The following GALNT13 variants were observed in gnomAD, a reference collection of about 807,000 sequenced individuals.
The protein encoded by GALNT13 is UDP-GalNAc:polypeptide N-acetylgalactosaminyltransferase 13.
A neutral mutation model predicts 64.2 loss-of-function variants in GALNT13; 28 were observed. The ratio of observed to expected loss-of-function variants is 0.44; its 90% confidence interval spans 0.32 to 0.60. The LOEUF (loss-of-function observed/expected upper bound fraction) is 0.60, where lower values mean the gene tolerates loss of function less well. Ranked by LOEUF, GALNT13 falls within the 20% of genes least tolerant of loss-of-function variation. GALNT13 has a pLI of 0.05. For missense variants in GALNT13, 577 were observed against 669.8 expected (o/e 0.86, Z 1.53); for synonymous variants, 214 against 224.6 (o/e 0.95, Z 0.42).
the GALNT13 span, among the ~76,000 whole-genome samples, chr2:153,479,771 A>C: frequency 6.6e-6 from 1 of 152,164 alleles, no homozygotes; most frequent in Non-Finnish European, 1.5e-5. Flanking sequence ...CTAAACACAG[A>C]TGTTTTTATA....
At chr2:153,086,308 G>A in the GALNT13 span, among the ~76,000 whole-genome samples, 1 of 152,182 alleles carries the variant, frequency 6.6e-6, no homozygotes, top group Non-Finnish European at 1.5e-5. Context: ...GATTGGTTTT[G>A]AAATGTGAAG....
the GALNT13 span, among the ~76,000 whole-genome samples, chr2:153,209,973 A>ACAATT: frequency 6.6e-6 from 1 of 152,040 alleles, no homozygotes; most frequent in Non-Finnish European, 1.5e-5. Context: ...ATTTGTTTTT[A>ACAATT]GTATATAATT....
intron 3 of GALNT13, among the ~76,000 whole-genome samples, chr2:154,108,473 T>A (rs967154434): frequency 3.3e-5 from 5 of 152,144 alleles, no homozygotes; most frequent in African/African-American, 7.2e-5. Context: ...TTCTTTCAAT[T>A]TCTTACATAT....
intron 3 of GALNT13, among the ~76,000 whole-genome samples, chr2:154,073,489 T>A (rs1700841608): frequency 6.6e-6 from 1 of 151,958 alleles, no homozygotes; most frequent in Non-Finnish European, 1.5e-5. Context: ...CCCTGATAGT[T>A]TTCCAATAAA....
intron 4 of GALNT13, among the ~76,000 whole-genome samples, chr2:154,219,917 A>C (rs1419965733): frequency 1.3e-5 from 2 of 152,126 alleles, no homozygotes; most frequent in African/African-American, 4.8e-5. Context: ...GGAGACCCTC[A>C]GCAGGGAGCA....
At chr2:153,730,456 G>C in the GALNT13 span, among the ~76,000 whole-genome samples, 1 of 151,752 alleles carries the variant, frequency 6.6e-6, no homozygotes, top group Non-Finnish European at 1.5e-5. Context: ...GAATTAACAA[G>C]TTAAATATAA....
chr2:153,492,773 A>G, the GALNT13 span, among the ~76,000 whole-genome samples: 1 of 149,966 alleles, frequency 6.7e-6, no homozygotes, highest in Admixed American at 6.6e-5. Context: ...TGATACATTC[A>G]CCAATATAAT....
At chr2:154,147,441 G>A (rs1157622558) in intron 4 of GALNT13, among the ~76,000 whole-genome samples, 1 of 150,448 alleles carries the variant, frequency 6.6e-6, no homozygotes, top group Non-Finnish European at 1.5e-5. Flanking sequence ...AAGTGCCATT[G>A]TATCAAGGCA....
intron 8 of GALNT13, among the ~76,000 whole-genome samples, chr2:154,287,697 A>C (rs1692354040): frequency 6.6e-6 from 1 of 151,980 alleles, no homozygotes; most frequent in Non-Finnish European, 1.5e-5. Flanking sequence ...GTTGCACTCC[A>C]CACCTCAGTG....
intron 9 of GALNT13, among the ~76,000 whole-genome samples, chr2:154,382,039 T>C (rs565796623): frequency 2.6e-5 from 4 of 152,248 alleles, no homozygotes; most frequent in African/African-American, 9.6e-5. Context: ...TATGATATAA[T>C]TCAAAATGTT....
chr2:153,403,333 C>G, the GALNT13 span, among the ~76,000 whole-genome samples: 11,037 of 151,698 alleles, frequency 0.073, 1,314 homozygotes, highest in African/African-American at 0.25. Context: ...CTCTTCAAAG[C>G]TGTCAGACAG....
the GALNT13 span, among the ~76,000 whole-genome samples, chr2:153,777,867 C>T: frequency 7.9e-3 from 1,197 of 152,262 alleles, 14 homozygotes; most frequent in African/African-American, 0.028. Context: ...GACTTTCTAC[C>T]TTGTTACAAG....
At chr2:154,108,821 T>C (rs1702770911) in intron 3 of GALNT13, among the ~76,000 whole-genome samples, 1 of 152,122 alleles carries the variant, frequency 6.6e-6, no homozygotes, top group African/African-American at 2.4e-5. Context: ...TATTCAGCTT[T>C]TCCAACACTA....
At chr2:153,345,649 TTCTTTCTTTC>T in the GALNT13 span, among the ~76,000 whole-genome samples, 15 of 130,110 alleles carry the variant, frequency 1.2e-4, no homozygotes, top group Admixed American at 8.2e-4. Flanking sequence ...CTTTCTTTCT[TTCTTTCTTTC>T]TTTCTTTCTT....
chr2:154,232,623 A>G (rs1688977112), intron 4 of GALNT13, among the ~76,000 whole-genome samples: 1 of 152,148 alleles, frequency 6.6e-6, no homozygotes, highest in South Asian at 2.1e-4. Context: ...ACTGTATCCC[A>G]TCAGGAAATA....
the GALNT13 span, among the ~76,000 whole-genome samples, chr2:153,360,216 G>A: frequency 3.3e-5 from 5 of 152,324 alleles, no homozygotes; most frequent in East Asian, 7.7e-4. Flanking sequence ...CCCCAGCCAA[G>A]GGAGGTGGTG....
chr2:154,276,347 G>A (rs188270679), intron 8 of GALNT13, among the ~76,000 whole-genome samples: 1 of 152,086 alleles, frequency 6.6e-6, no homozygotes, highest in East Asian at 1.9e-4. Context: ...AGCCTCCCAA[G>A]TAGCTGGGAC....
the GALNT13 span, among the ~76,000 whole-genome samples, chr2:153,209,963 A>T: frequency 1.3e-5 from 2 of 151,976 alleles, no homozygotes; most frequent in Non-Finnish European, 2.9e-5. Flanking sequence ...GTTTCTAATT[A>T]TTTGTTTTTA....
the GALNT13 span, among the ~76,000 whole-genome samples, chr2:153,799,477 C>T: frequency 5.9e-5 from 9 of 152,070 alleles, no homozygotes; most frequent in Non-Finnish European, 1.2e-4. Context: ...GCAAAGGAAT[C>T]GGACAAATAC....
Sources: allele counts gnomAD v4.1 joint callset (sites outside exome capture counted in the v4.1 genomes callset), GRCh38; gene constraint gnomAD v4.1.1; transcripts MANE v1.5; gene names NCBI Gene and HGNC (gene_info 2026-07-23, HGNC 2026-07-21).